FOXJ3: variants seen among roughly 807,000 people sequenced by gnomAD.
The protein encoded by FOXJ3 is forkhead box protein J3.
FOXJ3 carries 22 observed loss-of-function variants against 76.1 expected under a neutral mutation model. The ratio of observed to expected loss-of-function variants is 0.29; its 90% CI spans 0.21 to 0.41. The LOEUF (loss-of-function observed/expected upper bound fraction) is 0.41, where lower values mean the gene tolerates loss of function less well. Among genes scored for constraint, FOXJ3 ranks in the 10% least tolerant of loss-of-function variants. FOXJ3 has a pLI of 1.00. For missense variants in FOXJ3, 613 were observed against 762.1 expected (o/e 0.80, Z 2.30); for synonymous variants, 269 against 261.2 (o/e 1.03, Z -0.29).
chr1:42,246,259 A>G (rs1207011805), intron 4 of FOXJ3, among the ~76,000 whole-genome samples: 2 of 152,230 alleles, frequency 1.3e-5, no homozygotes, highest in East Asian at 3.8e-4. Flanking sequence ...CAAACCATTC[A>G]TCTGACAAGA....
chr1:42,252,217 T>C (rs1260709196), intron 4 of FOXJ3, among the ~76,000 whole-genome samples: 2 of 152,192 alleles, frequency 1.3e-5, no homozygotes, highest in Admixed American at 6.5e-5. Context: ...CCTCCTTGTA[T>C]CTCTGGTAGA....
At chr1:42,219,332 A>G (rs1180474216) in intron 5 of FOXJ3, among the ~76,000 whole-genome samples, 3 of 152,112 alleles carry the variant, frequency 2.0e-5, no homozygotes, top group Non-Finnish European at 4.4e-5. Context: ...GTATCGCTTT[A>G]TTATTATTGT....
intron 2 of FOXJ3, among the ~76,000 whole-genome samples, chr1:42,281,813 C>T (rs1188214726): frequency 3.3e-5 from 5 of 152,148 alleles, no homozygotes; most frequent in Non-Finnish European, 7.3e-5. Context: ...AATCCCAACA[C>T]TTTGGGAGGC....
chr1:42,189,258 G>T, intron 10 of FOXJ3, 45 bp downstream of exon 10: 1 of 1,141,172 alleles, frequency 8.8e-7, no homozygotes, highest in South Asian at 1.3e-5. Context: ...CAGAGAAACA[G>T]GATCATGTGT....
At position 42,278,490 on chromosome 1, in the gene FOXJ3, T is replaced by A; in HGVS notation, c.227A>T (p.Asp76Val). The change falls in exon 3 of 13, where the codon GAT becomes GTT. Residue 76 changes from aspartate (D) to valine (V), a missense_variant. By Grantham distance (152) the Asp-to-Val change is radical (BLOSUM62 -3). This residue lies in a region of FOXJ3 where 77 missense variants were observed against 115.1 expected (regional missense o/e 0.67). Transcript: ENST00000361346. ...LDQEEVQQHK[D>V]GKPPYSYASL... is the part of the protein sequence containing the mutation. Reference sequence around the variant, plus strand: ...GGCATAACTGTATGGAGGTTTCCCATCTTTGTGCTGTTGGACTTCTTCCTG... The same window carrying A: ...GGCATAACTGTATGGAGGTTTCCCAACTTTGTGCTGTTGGACTTCTTCCTG... 6.2e-7 allele frequency: 1 copy of A among 1,614,182 alleles called. No individual in the cohort carries two copies. The highest frequency in any genetic ancestry group is 1.1e-5 in the South Asian group (1 of 91,076).
intron 3 of FOXJ3, among the ~76,000 whole-genome samples, chr1:42,277,908 C>A (rs566605402): frequency 1.4e-4 from 20 of 145,210 alleles, no homozygotes; most frequent in African/African-American, 4.9e-4. Context: ...ACCCAGAAGG[C>A]GAAGCTTGCA....
At position 42,205,768 on chromosome 1, in the gene FOXJ3, A is replaced by G. The variant is rs766443461; in HGVS notation, c.624T>C (p.Thr208=). 8 of 1,551,330 alleles carry G rather than the reference A, an allele frequency of 5.2e-6. No homozygotes were observed. In the South Asian group the frequency reaches 8.9e-5, roughly 17 times the overall value. The part of the protein sequence containing the change: ...ASPTLAINTV[T]NKVTLYNTDQ... Reference sequence around the variant, plus strand: ...TTTAAAAAAATGAAATTACTTTGTTAGTCACAGTGTTGATTGCCAGAGTTG... The same window carrying G: ...TTTAAAAAAATGAAATTACTTTGTTGGTCACAGTGTTGATTGCCAGAGTTG... The change falls in exon 6 of 13, where the codon ACT becomes ACC. Residue 208 remains threonine, a synonymous_variant. Transcript: ENST00000361346.
intron 1 of FOXJ3, 136 bp downstream of exon 1, chr1:42,334,923 A>C (rs1458665697): frequency 2.0e-5 from 3 of 151,998 alleles, no homozygotes; most frequent in African/African-American, 7.3e-5. Context: ...CCCGCCGCCC[A>C]CCCCGCAACG....
At chr1:42,315,145 T>C (rs1318735210) in intron 1 of FOXJ3, among the ~76,000 whole-genome samples, 1 of 152,118 alleles carries the variant, frequency 6.6e-6, no homozygotes, top group Non-Finnish European at 1.5e-5. Flanking sequence ...TCTATAGAAA[T>C]GAAAAGTAGA....
intron 3 of FOXJ3, among the ~76,000 whole-genome samples, chr1:42,271,353 A>C (rs2124648458): frequency 6.6e-6 from 1 of 152,154 alleles, no homozygotes; most frequent in South Asian, 2.1e-4. Flanking sequence ...TCAAAAGTTA[A>C]AACCATATAA....
intron 4 of FOXJ3, among the ~76,000 whole-genome samples, chr1:42,249,889 A>T (rs1649879438): frequency 6.6e-6 from 1 of 152,262 alleles, no homozygotes; most frequent in African/African-American, 2.4e-5. Flanking sequence ...TAGGTTAAAA[A>T]AGGAAAATAA....
At chr1:42,281,714 G>C (rs1652725848) in intron 2 of FOXJ3, among the ~76,000 whole-genome samples, 2 of 152,190 alleles carry the variant, frequency 1.3e-5, no homozygotes, top group African/African-American at 4.8e-5. Context: ...CAAGCGTGGA[G>C]AGCACAAAAG....
intron 4 of FOXJ3, among the ~76,000 whole-genome samples, chr1:42,248,483 G>A (rs1042319714): frequency 1.3e-5 from 2 of 150,542 alleles, no homozygotes; most frequent in Admixed American, 6.6e-5. Flanking sequence ...GCAGTGAGCC[G>A]AGATTGCGCC....
intron 4 of FOXJ3, among the ~76,000 whole-genome samples, chr1:42,239,220 C>T (rs1254096073): frequency 1.3e-5 from 2 of 151,522 alleles, no homozygotes; most frequent in Non-Finnish European, 2.9e-5. Context: ...TTACATTATT[C>T]TTTTTCAATC....
intron 1 of FOXJ3, among the ~76,000 whole-genome samples, chr1:42,326,188 T>C (rs1159754043): frequency 6.6e-6 from 1 of 152,086 alleles, no homozygotes; most frequent in East Asian, 1.9e-4. Context: ...GAGGTTGAGG[T>C]TGCAATGAGC....
At chr1:42,238,532 C>T (rs908579762) in intron 4 of FOXJ3, among the ~76,000 whole-genome samples, 11 of 152,048 alleles carry the variant, frequency 7.2e-5, no homozygotes, top group South Asian at 2.1e-4. Flanking sequence ...AGGACCAGCA[C>T]GCCAATTTCT....
chr1:42,307,354 G>A (rs1007783056), intron 2 of FOXJ3, among the ~76,000 whole-genome samples: 1 of 152,164 alleles, frequency 6.6e-6, no homozygotes, highest in Non-Finnish European at 1.5e-5. Flanking sequence ...AGAGGTCTAA[G>A]TGTCATTTCT....
chr1:42,318,429 C>A (rs1052642792), intron 1 of FOXJ3, among the ~76,000 whole-genome samples: 9 of 152,176 alleles, frequency 5.9e-5, no homozygotes, highest in African/African-American at 2.2e-4. Context: ...GCAACCTCCA[C>A]CTCCCAGGTT....
chr1:42,313,110 G>A (rs1462461777), intron 1 of FOXJ3, among the ~76,000 whole-genome samples: 16 of 152,080 alleles, frequency 1.1e-4, no homozygotes, highest in East Asian at 1.9e-4. Context: ...CGAGGCGGCC[G>A]GATCACCTGA....
Sources: allele counts gnomAD v4.1 joint callset (sites outside exome capture counted in the v4.1 genomes callset), GRCh38; gene constraint gnomAD v4.1.1; regional missense constraint gnomAD v4.1.1; transcripts MANE v1.5; gene names NCBI Gene and HGNC (gene_info 2026-07-23, HGNC 2026-07-21).